Variants in NECTIN3 observed in about 807,000 individuals in gnomAD.
NECTIN3 encodes the protein nectin cell adhesion molecule 3, also known as nectin-3.
A neutral mutation model predicts 49.4 loss-of-function variants in NECTIN3; 8 were observed. The observed-to-expected ratio is 0.16, with a 90% confidence interval of 0.10 to 0.29. The LOEUF is 0.29. Among genes scored for constraint, NECTIN3 ranks in the 10% least tolerant of loss-of-function variants. NECTIN3 has a pLI of 1.00. For synonymous variants in NECTIN3, 277 were observed against 241.1 expected, an observed-to-expected ratio of 1.15 and a Z score of -1.38; for missense variants, 581 against 654.6, an observed-to-expected ratio of 0.89 and a Z score of 1.23.
At chr3:111,144,483 A>AT (rs1000614998) in intron 5 of NECTIN3, among the ~76,000 whole-genome samples, 4 of 151,818 alleles carry the variant, frequency 2.6e-5, no homozygotes, top group African/African-American at 9.7e-5. Context: ...TTGTTAATAA[A>AT]TTTTTTTATT....
At chr3:111,159,333 A>G (rs975485416) in intron 7 of NECTIN3, among the ~76,000 whole-genome samples, 3 of 152,142 alleles carry the variant, frequency 2.0e-5, no homozygotes. Context: ...GAGATTTATA[A>G]TGAATATGGT....
chr3:111,170,384 G>A (rs934704141), intron 7 of NECTIN3, among the ~76,000 whole-genome samples: 6 of 152,112 alleles, frequency 3.9e-5, no homozygotes, highest in African/African-American at 1.4e-4. Flanking sequence ...CAACCCCTCA[G>A]GTAGAAATTA....
chr3:111,175,463 T>G (rs1006937423), intron 7 of NECTIN3, among the ~76,000 whole-genome samples: 1 of 151,910 alleles, frequency 6.6e-6, no homozygotes, highest in Admixed American at 6.6e-5. Flanking sequence ...GTGTTCAAAT[T>G]GCCTCGCTTT....
intron 1 of NECTIN3, chr3:111,074,216 G>C: frequency 2.2e-6 from 1 of 456,354 alleles, no homozygotes; most frequent in Non-Finnish European, 4.4e-6. Flanking sequence ...GTGACTTATG[G>C]AAGCTTAGTG....
At chr3:111,119,014 A>G in intron 3 of NECTIN3, 62 bp downstream of exon 3, 2 of 1,359,668 alleles carry the variant, frequency 1.5e-6, no homozygotes, top group East Asian at 4.8e-5. Flanking sequence ...AACTATTTTT[A>G]GTTTGAATAT....
chr3:111,125,630 A>C (rs1211430874), intron 4 of NECTIN3, among the ~76,000 whole-genome samples: 4 of 152,200 alleles, frequency 2.6e-5, no homozygotes, highest in Non-Finnish European at 2.9e-5. Context: ...TACAAGTGAA[A>C]TTATTTTATA....
At chr3:111,089,406 C>CGT (rs139575444) in intron 1 of NECTIN3, among the ~76,000 whole-genome samples, 11,351 of 147,008 alleles carry the variant, frequency 0.077, 942 homozygotes, top group African/African-American at 0.22. Flanking sequence ...CAGCCTTTCT[C>CGT]GTGTGTGTGT....
Position 111,125,295 on chromosome 3 carries a change from C to T in NECTIN3, c.918-889C>T, listed in dbSNP as rs2034120349. On this transcript the variant is annotated intron_variant, in intron 4 of 5. Transcript: ENST00000485303. ...GTGCCCGCCTCGGCCTCCCAAAGTG[C>T]TGGGATTACAGGTGTGAGCCACTGT... Among the ~76,000 whole-genome samples the T allele has an allele frequency of 2.0e-5, 3 of 152,030 alleles. No homozygotes were observed. In the South Asian group the frequency reaches 6.2e-4, roughly 32 times the overall value.
chr3:111,092,006 A>G (rs2032298853), intron 1 of NECTIN3, among the ~76,000 whole-genome samples: 1 of 152,152 alleles, frequency 6.6e-6, no homozygotes, highest in Admixed American at 6.5e-5. Flanking sequence ...GAGGTGGTGT[A>G]TGGTTGTTTT....
chr3:111,079,400 G>A (rs959931993), intron 1 of NECTIN3, among the ~76,000 whole-genome samples: 1 of 151,778 alleles, frequency 6.6e-6, no homozygotes, highest in Non-Finnish European at 1.5e-5. Context: ...ATGTTTAAAT[G>A]TCCTTTCATT....
At chr3:111,104,408 CCTT>C (rs1162077142) in intron 1 of NECTIN3, among the ~76,000 whole-genome samples, 3 of 148,012 alleles carry the variant, frequency 2.0e-5, no homozygotes, top group Non-Finnish European at 4.4e-5. Flanking sequence ...GCAGCCTTGA[CCTT>C]CTAGGCTCAA....
At chr3:111,181,498 C>A (rs575754540) in intron 7 of NECTIN3, among the ~76,000 whole-genome samples, 1 of 152,090 alleles carries the variant, frequency 6.6e-6, no homozygotes, top group Non-Finnish European at 1.5e-5. Flanking sequence ...AAAGTATTCT[C>A]TTTTTCTCCA....
chr3:111,151,093 C>T (rs1258212655), intron 7 of NECTIN3, among the ~76,000 whole-genome samples: 2 of 151,720 alleles, frequency 1.3e-5, no homozygotes, highest in South Asian at 4.2e-4. Context: ...ATTCTTAGTG[C>T]ATAACACAGT....
At chr3:111,098,320 A>G (rs139065484) in intron 1 of NECTIN3, among the ~76,000 whole-genome samples, 364 of 152,334 alleles carry the variant, frequency 2.4e-3, no homozygotes, top group African/African-American at 8.3e-3. Flanking sequence ...ATCATAAACT[A>G]GTGACTTAAA....
chr3:111,147,641 G>T (rs1279144477), intron 7 of NECTIN3, among the ~76,000 whole-genome samples: 2 of 152,110 alleles, frequency 1.3e-5, no homozygotes, highest in East Asian at 3.9e-4. Context: ...ATGCATTAAA[G>T]ATTACATAGC....
chr3:111,080,651 A>C (rs1425742538), intron 1 of NECTIN3, among the ~76,000 whole-genome samples: 3 of 149,486 alleles, frequency 2.0e-5, no homozygotes, highest in African/African-American at 7.3e-5. Context: ...AGTAAAGTTT[A>C]GTCACAGTTA....
At chr3:111,072,356 G>T in intron 1 of NECTIN3, 179 bp downstream of exon 1, 1 of 1,473,620 alleles carries the variant, frequency 6.8e-7, no homozygotes, top group Non-Finnish European at 8.9e-7. Context: ...GGAAGGGCCA[G>T]GCCAGCGAAT....
At chr3:111,137,605 T>C (rs114277764), downstream of NECTIN3, 5,532 of 597,472 alleles carry the variant, frequency 9.3e-3, 276 homozygotes, top group African/African-American at 0.11. Context: ...ATCTTTGTCC[T>C]CGTATTTACT....
chr3:111,143,769 TAA>T (rs1228230432), intron 5 of NECTIN3, among the ~76,000 whole-genome samples: 1 of 151,956 alleles, frequency 6.6e-6, no homozygotes, highest in East Asian at 1.9e-4. Flanking sequence ...CAACAAGGGG[TAA>T]TAGTGGAGGC....
Sources: gnomAD v4.1 joint callset for allele counts (sites outside exome capture counted in the v4.1 genomes callset) on GRCh38, gnomAD v4.1.1 for gene constraint, MANE v1.5 for transcripts, NCBI Gene and HGNC (gene_info 2026-07-23, HGNC 2026-07-21) for gene names.